Variants in COL21A1 observed in about 807,000 individuals in gnomAD.
The protein encoded by COL21A1 is collagen type XXI alpha 1 chain, also known as collagen alpha-1(XXI) chain.
A neutral mutation model predicts 137.9 loss-of-function variants in COL21A1; 149 were observed. The observed-to-expected ratio is 1.08, with a 90% CI of 0.95 to 1.24. The LOEUF (loss-of-function observed/expected upper bound fraction) is 1.24. Ranked by LOEUF, COL21A1 falls within the 50% of genes most tolerant of loss-of-function variation. COL21A1 has a pLI of 0.00. For synonymous variants in COL21A1, 456 were observed against 391.5 expected (o/e 1.16, Z -1.95); for missense variants, 1,167 against 1,158.4 (o/e 1.01, Z -0.11).
At chr6:56,268,985 T>C (rs1026890760) in intron 1 of COL21A1, among the ~76,000 whole-genome samples, 2 of 152,176 alleles carry the variant, frequency 1.3e-5, no homozygotes, top group African/African-American at 4.8e-5. Flanking sequence ...CAATTGGAAG[T>C]ATTAACAGCA....
At chr6:56,361,765 C>CGT (rs112413857) in intron 1 of COL21A1, among the ~76,000 whole-genome samples, 6 of 151,296 alleles carry the variant, frequency 4.0e-5, no homozygotes, top group African/African-American at 1.5e-4. Context: ...TGTGCGTGTG[C>CGT]GTGTGTGTGT....
intron 1 of COL21A1, among the ~76,000 whole-genome samples, chr6:56,341,461 AAAG>A (rs1248749520): frequency 6.6e-6 from 1 of 152,358 alleles, no homozygotes; most frequent in East Asian, 1.9e-4. Context: ...AAATGAAAGT[AAAG>A]AAGCCAGTCA....
At chr6:56,130,204 TATATATAA>T (rs1424392655) in intron 12 of COL21A1, among the ~76,000 whole-genome samples, 4 of 27,444 alleles carry the variant, frequency 1.5e-4, no homozygotes, top group South Asian at 1.1e-3. Flanking sequence ...TATATATATA[TATATATAA>T]AATTTCAAAT....
chr6:56,175,851 G>T (rs1454176622), intron 3 of COL21A1, among the ~76,000 whole-genome samples: 1 of 152,080 alleles, frequency 6.6e-6, no homozygotes, highest in African/African-American at 2.4e-5. Flanking sequence ...AAACTAAGCT[G>T]GAGGCCTCAC....
intron 1 of COL21A1, among the ~76,000 whole-genome samples, chr6:56,387,189 A>G (rs924561994): frequency 1.6e-4 from 24 of 152,214 alleles, no homozygotes; most frequent in African/African-American, 5.5e-4. Flanking sequence ...CATTATTTAC[A>G]AATTAATTGT....
chr6:56,339,970 A>G (rs1765428971), intron 1 of COL21A1, among the ~76,000 whole-genome samples: 1 of 152,170 alleles, frequency 6.6e-6, no homozygotes, highest in East Asian at 1.9e-4. Context: ...TTTGGAAAAA[A>G]TGGGATTACT....
chr6:56,094,130 A>T (rs938525471), intron 17 of COL21A1, among the ~76,000 whole-genome samples: 2 of 151,756 alleles, frequency 1.3e-5, no homozygotes, highest in Non-Finnish European at 2.9e-5. Context: ...TTCTCCTCAC[A>T]CTTTACTATA....
Position 56,171,043 on chromosome 6 carries a change from CT to C in COL21A1, c.725del (p.Lys242ArgfsTer13). On this transcript the variant is annotated frameshift_variant, in exon 4 of 30. Transcript: ENST00000244728. LOFTEE classifies it high-confidence loss of function. ...DILLGLDVNKKVKKRIQLSPK... is the reference protein window; with the variant it reads ...DILLGLDVNKXVKKRIQLSPK... ...GTGAAAGCTGTATTCTTTTCTTAAC[CT>C]TTTTATTTACATCTAAACCTAAAAG... 1.9e-6 allele frequency: 3 copies of C among 1,606,892 alleles called. No homozygotes were observed. Among genetic ancestry groups the C allele is most frequent in the Non-Finnish European group, 2.5e-6 (3 of 1,177,300 alleles).
chr6:56,170,882 A>G lies in COL21A1; in HGVS notation c.810-17T>C. 4 of 1,604,804 alleles carry G rather than the reference A, an allele frequency of 2.5e-6. No homozygotes were observed. Among genetic ancestry groups the G allele is most frequent in the Non-Finnish European group, 3.4e-6 (4 of 1,174,720 alleles). On this transcript the variant is annotated splice_polypyrimidine_tract_variant and intron_variant, in intron 4 of 29. Transcript: ENST00000244728. Reference sequence around the variant, plus strand: ...AAAACATTGCTAGAAAAAGAAGAGCAAGTGTAAGCTTAAAGAATTCTTGAC... The same window carrying G: ...AAAACATTGCTAGAAAAAGAAGAGCGAGTGTAAGCTTAAAGAATTCTTGAC...
intron 17 of COL21A1, among the ~76,000 whole-genome samples, chr6:56,096,342 A>G (rs527881797): frequency 4.7e-4 from 72 of 152,080 alleles, no homozygotes; most frequent in Non-Finnish European, 7.9e-4. Flanking sequence ...ATTCTCCTCA[A>G]TTAGTACAAT....
chr6:56,070,433 T>A (rs6459122), intron 21 of COL21A1, among the ~76,000 whole-genome samples: 1 of 151,382 alleles, frequency 6.6e-6, no homozygotes, highest in Non-Finnish European at 1.5e-5. Context: ...GAGAACTACA[T>A]GCTCCTGTTT....
intron 1 of COL21A1, among the ~76,000 whole-genome samples, chr6:56,228,890 T>C (rs553971483): frequency 3.3e-5 from 5 of 152,028 alleles, no homozygotes; most frequent in Admixed American, 3.3e-4. Flanking sequence ...AATTCAAATG[T>C]TCCAAGAATA....
intron 1 of COL21A1, among the ~76,000 whole-genome samples, chr6:56,236,658 G>A (rs933223508): frequency 4.6e-5 from 7 of 151,994 alleles, no homozygotes; most frequent in African/African-American, 9.7e-5. Context: ...TCTAGCATTA[G>A]ACCATATGGA....
intron 16 of COL21A1, among the ~76,000 whole-genome samples, chr6:56,119,190 C>G: frequency 6.6e-6 from 1 of 152,018 alleles, no homozygotes; most frequent in Non-Finnish European, 1.5e-5. Context: ...CCTAAAGACT[C>G]CACCAACAAA....
Position 56,057,558 on chromosome 6 carries a change from T to C in COL21A1, c.*99A>G. On this transcript the variant is annotated 3_prime_UTR_variant, in exon 30 of 30. Coordinates refer to ENST00000244728, the MANE Select transcript of COL21A1 (RefSeq NM_030820.4). Reference sequence around the variant, plus strand: ...AAAAAAATAAAAACACCGAGGTACTTAAGTTTCTTTTCAAGGGATTACTGT... The same window carrying C: ...AAAAAAATAAAAACACCGAGGTACTCAAGTTTCTTTTCAAGGGATTACTGT... The C allele has an allele frequency of 9.0e-7, 1 of 1,113,036 alleles. No individual in the cohort carries two copies. The highest frequency in any genetic ancestry group is 1.6e-5 in the African/African-American group (1 of 62,736). 68.9% of individuals were successfully genotyped at this position (1,113,036 alleles called of 1,614,324 possible).
chr6:56,214,575 G>T (rs529957438), intron 1 of COL21A1, among the ~76,000 whole-genome samples: 10 of 151,918 alleles, frequency 6.6e-5, no homozygotes, highest in African/African-American at 2.2e-4. Flanking sequence ...GAGTCTGTGG[G>T]TTTAATAGCT....
chr6:56,146,042 T>C (rs559596499), intron 10 of COL21A1, among the ~76,000 whole-genome samples: 2 of 152,238 alleles, frequency 1.3e-5, no homozygotes, highest in East Asian at 3.9e-4. Context: ...AACTATTCTG[T>C]GCTCAATTCT....
intron 18 of COL21A1, among the ~76,000 whole-genome samples, chr6:56,076,471 T>C (rs1018651636): frequency 9.5e-5 from 14 of 147,402 alleles, no homozygotes; most frequent in African/African-American, 3.5e-4. Context: ...GAGATTTTTT[T>C]AAATTAAAAA....
At chr6:56,136,746 A>C (rs575997924) in intron 12 of COL21A1, among the ~76,000 whole-genome samples, 9 of 152,252 alleles carry the variant, frequency 5.9e-5, no homozygotes, top group Middle Eastern at 6.8e-3. Flanking sequence ...CAGATATATA[A>C]TTTTTATATA....
Sources: allele counts gnomAD v4.1 joint callset (sites outside exome capture counted in the v4.1 genomes callset), GRCh38; gene constraint gnomAD v4.1.1; transcripts MANE v1.5; gene names NCBI Gene and HGNC (gene_info 2026-07-23, HGNC 2026-07-21).